The following KCTD14 variants were observed in gnomAD, a reference collection of about 807,000 sequenced individuals.
KCTD14 encodes the protein BTB/POZ domain-containing protein KCTD14.
KCTD14 carries 7 observed loss-of-function variants against 5.9 expected under a neutral mutation model. The observed-to-expected ratio is 1.19, with a 90% CI of 0.68 to 2.23. The LOEUF is 2.23. Ranked by LOEUF, KCTD14 falls within the 30% of genes most tolerant of loss-of-function variation. The pLI is 0.00. For missense variants in KCTD14, 342 were observed against 332.2 expected, an observed-to-expected ratio of 1.03 and a Z score of -0.23; for synonymous variants, 140 against 133.1, an observed-to-expected ratio of 1.05 and a Z score of -0.36.
At chr11:78,027,806 C>A (rs1389420117), upstream of KCTD14, among the ~76,000 whole-genome samples, 1 of 152,102 alleles carries the variant, frequency 6.6e-6, no homozygotes, top group East Asian at 1.9e-4. Context: ...TTTTATCATG[C>A]CGATGAAGCC....
chr11:78,033,899 G>GTACATATATATATATATA (rs1322215432), intron 2 of KCTD14, among the ~76,000 whole-genome samples: 4 of 46,436 alleles, frequency 8.6e-5, no homozygotes, highest in African/African-American at 2.2e-4. Context: ...ATGTGTGTGT[G>GTACATATATATATATATA]TGTATATATA....
intron 2 of KCTD14, among the ~76,000 whole-genome samples, chr11:78,031,197 G>A (rs984228450): frequency 9.2e-5 from 14 of 151,392 alleles, no homozygotes; most frequent in African/African-American, 2.2e-4. Flanking sequence ...TGGGATTACC[G>A]CTAACACCCA....
Position 78,023,178 on chromosome 11 carries a change from G to C in KCTD14, c.72C>G (p.Pro24=). 6.3e-7 allele frequency: 1 copy of C among 1,596,838 alleles called. No individual in the cohort carries two copies. Among genetic ancestry groups the C allele is most frequent in the Non-Finnish European group, 8.5e-7 (1 of 1,174,072 alleles). ...MTSQTPLPQS[P]RPRRPTMSTV... ...CACTTACCGTTGGCCGCCTGGGCCG[G>C]GGGGACTGGGGCAGAGGGGTCTGGC... Residue 24 remains proline, a synonymous_variant, in exon 1 of 2, where the codon CCC becomes CCG. Transcript: ENST00000353172.
chr11:78,036,172 G>A (rs1173970796), intron 2 of KCTD14, among the ~76,000 whole-genome samples: 1 of 152,028 alleles, frequency 6.6e-6, no homozygotes, highest in African/African-American at 2.4e-5. Flanking sequence ...AAAAACAAAA[G>A]AGTCCCTTTA....
At chr11:78,022,959 C>T in intron 1 of KCTD14, 1 of 549,716 alleles carries the variant, frequency 1.8e-6, no homozygotes, top group Non-Finnish European at 3.2e-6. Flanking sequence ...GACACCGAGG[C>T]GCGAAAGGAG....
intron 1 of KCTD14, 130 bp downstream of exon 1, chr11:78,023,030 G>A: frequency 1.6e-6 from 1 of 644,048 alleles, no homozygotes; most frequent in Non-Finnish European, 2.7e-6. Context: ...AGGTGAAGGG[G>A]GACAGCGCGC....
intron 1 of KCTD14, among the ~76,000 whole-genome samples, chr11:78,044,468 G>A (rs1182084901): frequency 6.6e-6 from 1 of 152,184 alleles, no homozygotes; most frequent in African/African-American, 2.4e-5. Flanking sequence ...GGGGCAGTAA[G>A]TGAGTATAAC....
intron 1 of KCTD14, among the ~76,000 whole-genome samples, chr11:78,019,117 A>T (rs1452514591): frequency 6.7e-6 from 1 of 149,890 alleles, no homozygotes; most frequent in Non-Finnish European, 1.5e-5. Context: ...TCAGCCTCCC[A>T]GGCTCAAGCG....
At chr11:78,029,169 A>C (rs1263866321) in intron 2 of KCTD14, among the ~76,000 whole-genome samples, 1 of 144,852 alleles carries the variant, frequency 6.9e-6, no homozygotes, top group Non-Finnish European at 1.5e-5. Context: ...TGAGCAAAAG[A>C]GCAAGACTCT....
intron 2 of KCTD14, among the ~76,000 whole-genome samples, chr11:78,033,899 G>GTACATATA (rs1322215432): frequency 0.13 from 5,818 of 46,398 alleles, 554 homozygotes; most frequent in African/African-American, 0.3. Context: ...ATGTGTGTGT[G>GTACATATA]TGTATATATA....
At chr11:78,031,458 A>C (rs1242024820) in intron 2 of KCTD14, among the ~76,000 whole-genome samples, 1 of 149,324 alleles carries the variant, frequency 6.7e-6, no homozygotes, top group Non-Finnish European at 1.5e-5. Context: ...GGCTCACTGC[A>C]ACCTCCGCCT....
At chr11:78,018,718 TAAG>T (rs757681655) in intron 1 of KCTD14, among the ~76,000 whole-genome samples, 3 of 147,920 alleles carry the variant, frequency 2.0e-5, no homozygotes, top group Non-Finnish European at 3.0e-5. Context: ...AAAAAAAAAA[TAAG>T]AAGAAGAAAG....
At chr11:78,027,807 C>T (rs1161242515), upstream of KCTD14, among the ~76,000 whole-genome samples, 2 of 152,068 alleles carry the variant, frequency 1.3e-5, no homozygotes, top group African/African-American at 4.8e-5. Context: ...TTTATCATGC[C>T]GATGAAGCCT....
intron 2 of KCTD14, among the ~76,000 whole-genome samples, chr11:78,028,646 T>C (rs1307543354): frequency 2.0e-5 from 3 of 146,764 alleles, no homozygotes; most frequent in Non-Finnish European, 3.0e-5. Flanking sequence ...GTGACAAGTA[T>C]ATTGTTATGT....
At chr11:78,036,930 C>G (rs1011334937) in intron 2 of KCTD14, among the ~76,000 whole-genome samples, 3 of 152,232 alleles carry the variant, frequency 2.0e-5, no homozygotes, top group Non-Finnish European at 2.9e-5. Flanking sequence ...CAATGCCAGG[C>G]ATTTTACACA....
At chr11:78,021,342 G>T (rs1857301256) in intron 1 of KCTD14, among the ~76,000 whole-genome samples, 1 of 147,510 alleles carries the variant, frequency 6.8e-6, no homozygotes, top group African/African-American at 2.5e-5. Context: ...TTCCTGCACT[G>T]ACATCTTCAG....
At chr11:78,035,970 G>C (rs1222981360) in intron 2 of KCTD14, among the ~76,000 whole-genome samples, 1 of 151,896 alleles carries the variant, frequency 6.6e-6, no homozygotes, top group African/African-American at 2.4e-5. Context: ...GACCAGCCTG[G>C]CCAACATGGT....
chr11:78,028,747 C>G (rs1421237436), intron 2 of KCTD14, among the ~76,000 whole-genome samples: 1 of 152,050 alleles, frequency 6.6e-6, no homozygotes, highest in Non-Finnish European at 1.5e-5. Flanking sequence ...TTGAGACTAG[C>G]CTGGGAAACA....
intron 2 of KCTD14, among the ~76,000 whole-genome samples, chr11:78,030,143 A>G (rs1324402242): frequency 6.6e-6 from 1 of 152,142 alleles, no homozygotes; most frequent in Admixed American, 6.6e-5. Flanking sequence ...CTGGACAGGA[A>G]TATAAAACCT....
Sources: allele counts gnomAD v4.1 joint callset (sites outside exome capture counted in the v4.1 genomes callset), GRCh38; gene constraint gnomAD v4.1.1; transcripts MANE v1.5; gene names NCBI Gene and HGNC (gene_info 2026-07-23, HGNC 2026-07-21).